Variants in ZNF385D observed in about 807,000 individuals in gnomAD.
ZNF385D encodes zinc finger protein 385D, also known as zinc finger protein 659.
ZNF385D carries 15 observed loss-of-function variants against 35.8 expected under a neutral mutation model. The ratio of observed to expected loss-of-function variants is 0.42; its 90% CI spans 0.28 to 0.64. ZNF385D has a LOEUF of 0.64. Ranked by LOEUF, ZNF385D falls within the 30% of genes least tolerant of loss-of-function variation. The pLI, the probability that ZNF385D is intolerant of heterozygous loss-of-function variation, is 0.23. For synonymous variants in ZNF385D, 212 were observed against 186.8 expected (o/e 1.13, Z -1.10); for missense variants, 474 against 494.6 (o/e 0.96, Z 0.39).
chr3:21,787,624 T>A (rs903570047), intron 3 of ZNF385D, among the ~76,000 whole-genome samples: 4 of 152,148 alleles, frequency 2.6e-5, no homozygotes, highest in Admixed American at 6.5e-5. Flanking sequence ...TCCTACCCAA[T>A]CACCCTGCAA....
intron 3 of ZNF385D, among the ~76,000 whole-genome samples, chr3:21,967,414 T>A (rs573932996): frequency 6.6e-6 from 1 of 152,346 alleles, no homozygotes; most frequent in African/African-American, 2.4e-5. Context: ...TTCCAGCTAT[T>A]TTGGATTATT....
chr3:22,164,216 C>CTTTTTTTTTTTTTTTTTTTTT lies in ZNF385D; in HGVS notation c.325+4580_325+4600dup, dbSNP rs571978176. 1.1e-3 allele frequency among the ~76,000 whole-genome samples: 83 copies of CTTTTTTTTTTTTTTTTTTTTT among 74,944 alleles called. 6 individuals are homozygous for CTTTTTTTTTTTTTTTTTTTTT. The highest frequency in any genetic ancestry group is 1.4e-3 in the Non-Finnish European group (55 of 39,766). The allele number at this position is 74,944 out of a possible 152,430, so 49.2% of individuals were successfully genotyped here. ...CACTATAGGTAATACAAAAGGAGCA[C>CTTTTTTTTTTTTTTTTTTTTT]TTTTTTTTTTTTTTTTTTTTTTTTT... is the stretch of plus-strand genomic sequence containing the variant. On this transcript the variant is annotated intron_variant, in intron 3 of 5. Coordinates refer to the ZNF385D transcript ENST00000494108.
intron 2 of ZNF385D, among the ~76,000 whole-genome samples, chr3:22,280,110 C>T (rs530476256): frequency 1.3e-5 from 2 of 151,940 alleles, no homozygotes; most frequent in Admixed American, 6.6e-5. Context: ...ATGTCCTTAG[C>T]CCACTTTTTG....
chr3:21,906,162 T>G (rs1393203259), intron 3 of ZNF385D, among the ~76,000 whole-genome samples: 1 of 152,212 alleles, frequency 6.6e-6, no homozygotes, highest in Non-Finnish European at 1.5e-5. Flanking sequence ...GTTACTTCCT[T>G]CAAATCATTT....
intron 1 of ZNF385D, among the ~76,000 whole-genome samples, chr3:21,708,083 T>G (rs2125404848): frequency 6.6e-6 from 1 of 152,320 alleles, no homozygotes; most frequent in Admixed American, 6.5e-5. Flanking sequence ...TATCTTCATT[T>G]CCTTTTTGCT....
intron 3 of ZNF385D, among the ~76,000 whole-genome samples, chr3:21,769,422 G>T: frequency 8.3e-6 from 1 of 120,932 alleles, no homozygotes; most frequent in Non-Finnish European, 1.7e-5. Context: ...AAAATCACAT[G>T]CATTCTTATA....
At chr3:21,886,100 C>G (rs9812245) in intron 3 of ZNF385D, among the ~76,000 whole-genome samples, 2,605 of 152,166 alleles carry the variant, frequency 0.017, 76 homozygotes, top group African/African-American at 0.058. Context: ...TAAAATTAAC[C>G]ATCACATAGA....
chr3:21,672,455 A>G (rs1019933520), intron 1 of ZNF385D, among the ~76,000 whole-genome samples: 12 of 152,090 alleles, frequency 7.9e-5, no homozygotes, highest in African/African-American at 2.9e-4. Context: ...TAATCCACAC[A>G]GGATGGTGAC....
chr3:22,176,394 T>C (rs762681381), intron 2 of ZNF385D, among the ~76,000 whole-genome samples: 1 of 152,196 alleles, frequency 6.6e-6, no homozygotes, highest in Admixed American at 6.5e-5. Context: ...CTTAGGAACT[T>C]CAAAAATGAG....
intron 2 of ZNF385D, among the ~76,000 whole-genome samples, chr3:22,357,630 T>C (rs918556854): frequency 1.3e-5 from 2 of 151,934 alleles, no homozygotes; most frequent in African/African-American, 4.8e-5. Context: ...TATTTCTTGT[T>C]CCTTCAGTAT....
chr3:21,765,722 CAGAGAGAGAAAG>C (rs1553656825), intron 3 of ZNF385D, among the ~76,000 whole-genome samples: 1 of 151,488 alleles, frequency 6.6e-6, no homozygotes, highest in African/African-American at 2.4e-5. Context: ...CATACACACA[CAGAGAGAGAAAG>C]AGAGAGAGAC....
intron 3 of ZNF385D, among the ~76,000 whole-genome samples, chr3:21,946,646 A>G (rs1163616468): frequency 2.0e-5 from 3 of 152,114 alleles, no homozygotes; most frequent in Non-Finnish European, 2.9e-5. Context: ...AGCCTGGCTA[A>G]CAAGGTGAAA....
At chr3:21,459,197 G>A (rs1703015623) in intron 4 of ZNF385D, 1 of 152,178 alleles carries the variant, frequency 6.6e-6, no homozygotes, top group Admixed American at 6.5e-5. Context: ...GAGAGTGTGA[G>A]CCTTTGACTC....
intron 2 of ZNF385D, among the ~76,000 whole-genome samples, chr3:22,366,470 CT>C (rs1696661776): frequency 6.6e-6 from 1 of 152,102 alleles, no homozygotes; most frequent in Admixed American, 6.5e-5. Context: ...CCCTGTACAT[CT>C]TTGATTCACA....
At chr3:21,667,795 T>C (rs1196203572) in intron 1 of ZNF385D, among the ~76,000 whole-genome samples, 4 of 152,198 alleles carry the variant, frequency 2.6e-5, no homozygotes, top group African/African-American at 4.8e-5. Context: ...AATAAAAATA[T>C]GTCCATTCAA....
At chr3:22,135,595 C>G (rs1299430322) in intron 3 of ZNF385D, among the ~76,000 whole-genome samples, 1 of 152,084 alleles carries the variant, frequency 6.6e-6, no homozygotes, top group Non-Finnish European at 1.5e-5. Context: ...ATCCAAATCC[C>G]AGTAAAATCT....
intron 2 of ZNF385D, among the ~76,000 whole-genome samples, chr3:22,304,029 C>A (rs754155581): frequency 6.6e-6 from 1 of 152,150 alleles, no homozygotes; most frequent in Non-Finnish European, 1.5e-5. Context: ...CCGCCCACCT[C>A]GGCCTCCCAG....
intron 3 of ZNF385D, among the ~76,000 whole-genome samples, chr3:21,968,105 G>T (rs1448453921): frequency 1.3e-5 from 2 of 152,150 alleles, no homozygotes; most frequent in African/African-American, 4.8e-5. Context: ...GCTTGAGGGA[G>T]AGAGAGGAAA....
intron 3 of ZNF385D, among the ~76,000 whole-genome samples, chr3:21,812,774 G>A (rs62239201): frequency 6.6e-6 from 1 of 152,230 alleles, no homozygotes; most frequent in East Asian, 1.9e-4. Context: ...TGGGGGCAGG[G>A]AATAGCTGAA....
Sources: gnomAD v4.1 joint callset for allele counts (sites outside exome capture counted in the v4.1 genomes callset) on GRCh38, gnomAD v4.1.1 for gene constraint, MANE v1.5 for transcripts, NCBI Gene and HGNC (gene_info 2026-07-23, HGNC 2026-07-21) for gene names.